Variants in TMTC2 observed in about 807,000 individuals in gnomAD.
TMTC2 encodes the protein transmembrane O-mannosyltransferase targeting cadherins 2.
In TMTC2, 43 loss-of-function variants were observed where a neutral mutation model predicts 82.4. The ratio of observed to expected loss-of-function variants is 0.52; its 90% CI spans 0.41 to 0.67. TMTC2 has a LOEUF of 0.67. Ranked by LOEUF, TMTC2 falls within the 30% of genes least tolerant of loss-of-function variation. The pLI is 0.00. For synonymous variants in TMTC2, 408 were observed against 381.9 expected, an observed-to-expected ratio of 1.07 and a Z score of -0.80; for missense variants, 919 against 1,012.4, an observed-to-expected ratio of 0.91 and a Z score of 1.25.
intron 3 of TMTC2, among the ~76,000 whole-genome samples, chr12:82,906,014 T>C (rs1025786901): frequency 2.0e-5 from 3 of 151,910 alleles, no homozygotes; most frequent in African/African-American, 7.3e-5. Context: ...CGTCTGACAA[T>C]TTTTTTCCTT....
intron 11 of TMTC2, among the ~76,000 whole-genome samples, chr12:83,071,635 TTTG>T (rs1227011945): frequency 6.6e-6 from 1 of 152,192 alleles, no homozygotes. Context: ...CCTGGATATT[TTTG>T]TTGTTGTTTT....
chr12:82,969,162 A>G (rs1450737265), intron 7 of TMTC2, among the ~76,000 whole-genome samples: 1 of 152,190 alleles, frequency 6.6e-6, no homozygotes, highest in Non-Finnish European at 1.5e-5. Flanking sequence ...CTGCCCTATC[A>G]GTTCATCAGT....
At chr12:82,739,112 C>T (rs935896164) in intron 1 of TMTC2, among the ~76,000 whole-genome samples, 7 of 148,228 alleles carry the variant, frequency 4.7e-5, no homozygotes, top group Non-Finnish European at 1.0e-4. Context: ...CATGCCACTG[C>T]ACTCTAGCCT....
At chr12:82,815,899 G>A (rs1465316481) in intron 1 of TMTC2, among the ~76,000 whole-genome samples, 1 of 152,074 alleles carries the variant, frequency 6.6e-6, no homozygotes, top group African/African-American at 2.4e-5. Context: ...AGGATAGAGT[G>A]GGACTGGTTT....
At chr12:82,962,844 C>A (rs902741107) in intron 4 of TMTC2, among the ~76,000 whole-genome samples, 15 of 151,942 alleles carry the variant, frequency 9.9e-5, no homozygotes, top group African/African-American at 3.6e-4. Flanking sequence ...GTACAAAATC[C>A]TGTAAAACAC....
intron 1 of TMTC2, among the ~76,000 whole-genome samples, chr12:82,716,838 G>A (rs2136921007): frequency 6.6e-6 from 1 of 152,314 alleles, no homozygotes; most frequent in South Asian, 2.1e-4. Context: ...CAAGACTTAA[G>A]GTTAGTGAAA....
intron 4 of TMTC2, among the ~76,000 whole-genome samples, chr12:82,936,934 T>A (rs1449817574): frequency 6.6e-6 from 1 of 152,214 alleles, no homozygotes; most frequent in Non-Finnish European, 1.5e-5. Context: ...GAAAATATCC[T>A]ATTTTTCAAT....
Position 83,064,938 on chromosome 12 carries a change from A to G in TMTC2, c.2331+3107A>G, listed in dbSNP as rs531500429. On this transcript the variant is annotated intron_variant, in intron 11 of 11. Transcript: ENST00000321196. Reference sequence around the variant, plus strand: ...GAACAGACTTCAACTGCCGTCTTCTATTTAAATAGTTCCATTGTCTTTTCT... The same window carrying G: ...GAACAGACTTCAACTGCCGTCTTCTGTTTAAATAGTTCCATTGTCTTTTCT... 1.2e-4 allele frequency among the ~76,000 whole-genome samples: 19 copies of G among 152,054 alleles called. No homozygotes were observed. In the South Asian group the frequency reaches 2.9e-3, roughly 23 times the overall value.
At chr12:82,859,802 G>A (rs1565781597) in intron 2 of TMTC2, among the ~76,000 whole-genome samples, 2 of 152,146 alleles carry the variant, frequency 1.3e-5, no homozygotes. Flanking sequence ...GACTCTCTTG[G>A]CGACCACCAC....
At chr12:83,083,713 C>A (rs1388683754) in intron 11 of TMTC2, among the ~76,000 whole-genome samples, 2 of 152,118 alleles carry the variant, frequency 1.3e-5, no homozygotes, top group Non-Finnish European at 2.9e-5. Flanking sequence ...GAGTGTGGTT[C>A]TAACATTTTA....
intron 2 of TMTC2, among the ~76,000 whole-genome samples, chr12:82,893,747 T>A (rs1703098): frequency 0.17 from 26,354 of 152,094 alleles, 5,220 homozygotes; most frequent in African/African-American, 0.49. Flanking sequence ...CATATCACCA[T>A]AAAGTGAGAA....
chr12:83,083,588 G>A (rs376433610), intron 11 of TMTC2, among the ~76,000 whole-genome samples: 12 of 152,244 alleles, frequency 7.9e-5, no homozygotes, highest in African/African-American at 1.9e-4. Flanking sequence ...TTTCCCGAGC[G>A]CGTAGACTGG....
At chr12:83,015,417 A>G (rs185139269) in intron 8 of TMTC2, among the ~76,000 whole-genome samples, 1 of 152,296 alleles carries the variant, frequency 6.6e-6, no homozygotes, top group Non-Finnish European at 1.5e-5. Context: ...TTGCATCTCA[A>G]AGATAAACCT....
chr12:82,861,489 C>T (rs944265979), intron 2 of TMTC2, among the ~76,000 whole-genome samples: 3 of 152,180 alleles, frequency 2.0e-5, no homozygotes, highest in African/African-American at 7.2e-5. Context: ...TGCATGTCAT[C>T]AGACTTTTGC....
At chr12:82,888,639 T>C (rs1463773363) in intron 2 of TMTC2, among the ~76,000 whole-genome samples, 1 of 152,142 alleles carries the variant, frequency 6.6e-6, no homozygotes, top group Non-Finnish European at 1.5e-5. Flanking sequence ...GTTAGCATAA[T>C]GGTATAAAAT....
chr12:82,772,083 T>C (rs1877344477), intron 1 of TMTC2, among the ~76,000 whole-genome samples: 1 of 152,220 alleles, frequency 6.6e-6, no homozygotes, highest in Non-Finnish European at 1.5e-5. Flanking sequence ...GGCGCTTAAC[T>C]GTAAATTTCC....
chr12:82,824,052 C>A (rs1042460717), intron 1 of TMTC2, among the ~76,000 whole-genome samples: 1 of 152,106 alleles, frequency 6.6e-6, no homozygotes, highest in East Asian at 1.9e-4. Flanking sequence ...CACCACCAGG[C>A]CCAGCTAATT....
rs115642499 is a variant in TMTC2, at chr12:82,743,169, G to A, written c.83+55500G>A. Among the ~76,000 whole-genome samples the A allele has an allele frequency of 3.5e-3, 533 of 152,256 alleles. 5 individuals are homozygous for A. The highest frequency in any genetic ancestry group is 0.012 in the African/African-American group (508 of 41,548). Reference sequence around the variant, plus strand: ...AATGAAAAAGCAGATGTAGCTGGGCGCAGTGGCTCAGGCCCATAATCCCAG... The same window carrying A: ...AATGAAAAAGCAGATGTAGCTGGGCACAGTGGCTCAGGCCCATAATCCCAG... On this transcript the variant is annotated intron_variant, in intron 1 of 11. Transcript: ENST00000321196.
intron 1 of TMTC2, among the ~76,000 whole-genome samples, chr12:82,762,379 G>A (rs1876701834): frequency 2.0e-5 from 3 of 152,230 alleles, no homozygotes; most frequent in Non-Finnish European, 2.9e-5. Flanking sequence ...CAGTTCTACT[G>A]TAGAGCCATT....
Sources: allele counts gnomAD v4.1 joint callset (sites outside exome capture counted in the v4.1 genomes callset), GRCh38; gene constraint gnomAD v4.1.1; transcripts MANE v1.5; gene names NCBI Gene and HGNC (gene_info 2026-07-23, HGNC 2026-07-21).